The following MYO7B variants were observed in gnomAD, a reference collection of about 807,000 sequenced individuals.
MYO7B encodes myosin VIIB, also known as unconventional myosin-VIIb.
In MYO7B, 212 loss-of-function variants were observed where a neutral mutation model predicts 259.7. That is an observed-to-expected ratio of 0.82 (90% confidence interval 0.73 to 0.91). The LOEUF (loss-of-function observed/expected upper bound fraction) is 0.91, where lower values mean the gene tolerates loss of function less well. Ranked by LOEUF, MYO7B falls within the 40% of genes least tolerant of loss-of-function variation. MYO7B has a pLI of 0.00. For synonymous variants in MYO7B, 1,197 were observed against 1,166.4 expected (o/e 1.03, Z -0.54); for missense variants, 2,732 against 2,813.5 (o/e 0.97, Z 0.66).
intron 1 of MYO7B, among the ~76,000 whole-genome samples, chr2:127,541,302 G>T (rs1009600460): frequency 6.6e-6 from 1 of 152,202 alleles, no homozygotes; most frequent in Admixed American, 6.5e-5. Flanking sequence ...TGTCTCCACA[G>T]TGAAGGAGGC....
intron 2 of MYO7B, among the ~76,000 whole-genome samples, chr2:127,561,063 A>G (rs1000201050): frequency 1.3e-5 from 2 of 152,148 alleles, no homozygotes; most frequent in African/African-American, 2.4e-5. Flanking sequence ...GCGTGGCTCC[A>G]CTTTGGAGCA....
In MYO7B at chr2:127,578,581, T is replaced by G. The variant is rs1226449169; in HGVS notation, c.1003+295T>G. On this transcript the variant is annotated intron_variant, in intron 9 of 47. Coordinates refer to ENST00000409816, the MANE Select transcript of MYO7B (RefSeq NM_001393586.1). Reference sequence around the variant, plus strand: ...GTAAGCCAGAGTAAACAAATCCACGTGTGAACTTGCAAACCAGGTTGTGAG... The same window carrying G: ...GTAAGCCAGAGTAAACAAATCCACGGGTGAACTTGCAAACCAGGTTGTGAG... 2.6e-5 allele frequency among the ~76,000 whole-genome samples: 4 copies of G among 152,276 alleles called. No individual in the cohort carries two copies. The East Asian group carries it at 7.7e-4, about 29-fold the overall frequency.
intron 1 of MYO7B, among the ~76,000 whole-genome samples, chr2:127,556,566 C>T (rs1238084969): frequency 6.6e-6 from 1 of 152,144 alleles, no homozygotes; most frequent in East Asian, 1.9e-4. Context: ...TTTAGCAGTT[C>T]TTGCAGTGCT....
Position 127,629,635 on chromosome 2 carries a change from GC to G in MYO7B, c.4625-7del. 6.2e-7 allele frequency: 1 copy of G among 1,610,014 alleles called. No individual in the cohort carries two copies. ...AGAGCCCTCAGCAAATAGCCTCCCT[GC>G]CCTTACAGATGACACCACCCTCCTG... On this transcript the variant is annotated splice_polypyrimidine_tract_variant and intron_variant, in intron 34 of 47. Coordinates refer to ENST00000409816, the MANE Select transcript of MYO7B (RefSeq NM_001393586.1).
intron 5 of MYO7B, among the ~76,000 whole-genome samples, chr2:127,568,157 A>G (rs1678434307): frequency 2.0e-5 from 3 of 152,352 alleles, no homozygotes; most frequent in African/African-American, 7.2e-5. Context: ...TGGAGAAGAC[A>G]GCAGACAGGT....
At chr2:127,571,533 C>T (rs1678628006) in intron 6 of MYO7B, among the ~76,000 whole-genome samples, 1 of 145,254 alleles carries the variant, frequency 6.9e-6, no homozygotes, top group Admixed American at 7.3e-5. Context: ...CAGGCTGGAG[C>T]ACAATGGCAC....
chr2:127,614,506 A>C lies in MYO7B; in HGVS notation c.3398+1903A>C, dbSNP rs541292228. On this transcript the variant is annotated intron_variant, in intron 26 of 47. Transcript: ENST00000409816. This position sits in a 1 kb window ranked among gnomAD's most constrained non-coding sequence, Gnocchi z 4.6. Reference sequence around the variant, plus strand: ...AATTCTCCAGGAACAAGCAGGCGCTAATGTCTTTGTTCATGGAGGTCCCTA... The same window carrying C: ...AATTCTCCAGGAACAAGCAGGCGCTCATGTCTTTGTTCATGGAGGTCCCTA... 6.6e-6 allele frequency among the ~76,000 whole-genome samples: 1 copy of C among 152,244 alleles called. No homozygotes were observed. Among genetic ancestry groups the C allele is most frequent in the Admixed American group, 6.5e-5 (1 of 15,298 alleles).
intron 18 of MYO7B, 70 bp downstream of exon 18, chr2:127,593,714 G>GC: frequency 1.4e-6 from 2 of 1,428,500 alleles, no homozygotes; most frequent in East Asian, 2.3e-5. Context: ...CTTGCACCAG[G>GC]CCCGGGGTCC....
chr2:127,628,055 C>T lies in MYO7B; in HGVS notation c.4461-317C>T. Reference sequence around the variant, plus strand: ...TAGGTGGCTCAGAGTAAGCACATGGCAGAGCCGGCAGCTCATCTCAGCTCT... The same window carrying T: ...TAGGTGGCTCAGAGTAAGCACATGGTAGAGCCGGCAGCTCATCTCAGCTCT... On this transcript the variant is annotated intron_variant, in intron 33 of 47. Coordinates refer to ENST00000409816, the MANE Select transcript of MYO7B (RefSeq NM_001393586.1). This position sits in a 1 kb window ranked among gnomAD's most constrained non-coding sequence, Gnocchi z 4.8. The T allele has an allele frequency of 3.6e-6, 2 of 552,574 alleles. No individual in the cohort carries two copies. The highest frequency in any genetic ancestry group is 4.5e-5 in the East Asian group (1 of 22,348). 34.2% of individuals were successfully genotyped at this position (552,574 alleles called of 1,614,324 possible).
Position 127,624,105 on chromosome 2 carries a change from G to A in MYO7B, c.3832G>A (p.Gly1278Ser). The A allele has an allele frequency of 6.4e-7, 1 of 1,570,400 alleles. No individual in the cohort carries two copies. Among genetic ancestry groups the A allele is most frequent in the Non-Finnish European group, 8.6e-7 (1 of 1,158,748 alleles). The change falls in exon 30 of 48, where the codon GGC becomes AGC. Residue 1278 changes from glycine to serine, a missense_variant. This residue lies in a region of MYO7B where 1,906 missense variants were observed against 2,026.4 expected (regional missense o/e 0.94). Transcript: ENST00000409816. The part of the protein sequence containing the change: ...VAVYDKFWSL[G>S]SGRDHMMDAI... Reference sequence around the variant, plus strand: ...ACTCTGGCCTCAGTTCTGGTCCCTGGGCAGCGGGCGCGACCACATGATGGA... The same window carrying A: ...ACTCTGGCCTCAGTTCTGGTCCCTGAGCAGCGGGCGCGACCACATGATGGA...
At chr2:127,595,276 C>G (rs1679718681) in intron 18 of MYO7B, among the ~76,000 whole-genome samples, 1 of 152,142 alleles carries the variant, frequency 6.6e-6, no homozygotes. Context: ...ATACTATTCT[C>G]TGATGGTTGT....
Position 127,623,199 on chromosome 2 carries a change from C to T in MYO7B, c.3646-3C>T. The T allele has an allele frequency of 1.2e-6, 2 of 1,613,404 alleles. No homozygotes were observed. The highest frequency in any genetic ancestry group is 2.2e-5 in the South Asian group (2 of 91,078). ...CAGGGAACTGAATCTCATCTGTCCC[C>T]AGGCTGTCAAGTCCAAGAAGCACAT... On this transcript the variant is annotated splice_region_variant and splice_polypyrimidine_tract_variant and intron_variant, in intron 28 of 47. Transcript: ENST00000409816.
At position 127,572,312 on chromosome 2, in the gene MYO7B, GGGATGCT is replaced by G. The variant is rs1558807697; in HGVS notation, c.593-1606_593-1600del. Among the ~76,000 whole-genome samples the G allele has an allele frequency of 6.6e-5, 10 of 151,356 alleles. No homozygotes were observed. In the South Asian group the frequency reaches 1.3e-3, roughly 19 times the overall value. ...CATGCGCCTATAATCCCATCTACTC[GGGATGCT>G]GTGGCAGGAGAATCGCTTGAACGCA... On this transcript the variant is annotated intron_variant, in intron 6 of 47. Transcript: ENST00000409816.
At position 127,614,521 on chromosome 2, in the gene MYO7B, G is replaced by A. The variant is rs1680500726; in HGVS notation, c.3398+1918G>A. ...AGCAGGCGCTAATGTCTTTGTTCAT[G>A]GAGGTCCCTAACTCCAGAGTACAAA... On this transcript the variant is annotated intron_variant, in intron 26 of 47. Coordinates refer to ENST00000409816, the MANE Select transcript of MYO7B (RefSeq NM_001393586.1). The surrounding 1 kb of genome is among the most constrained non-coding windows in gnomAD (Gnocchi z 4.6). Among the ~76,000 whole-genome samples the A allele has an allele frequency of 6.6e-6, 1 of 152,154 alleles. No individual in the cohort carries two copies. Among genetic ancestry groups the A allele is most frequent in the African/African-American group, 2.4e-5 (1 of 41,402 alleles).
chr2:127,634,655 G>C lies in MYO7B; in HGVS notation c.5685G>C (p.Trp1895Cys), dbSNP rs1193373144. 1.4e-5 allele frequency: 22 copies of C among 1,611,472 alleles called. No individual in the cohort carries two copies. Among genetic ancestry groups the C allele is most frequent in the East Asian group, 8.9e-5 (4 of 44,888 alleles). Residue 1895 changes from tryptophan (W) to cysteine (C), a missense_variant, in exon 42 of 48, where the codon TGG (tryptophan) becomes TGC (cysteine). Trp to Cys is a radical substitution (Grantham distance 215, BLOSUM62 -2). Coordinates refer to ENST00000409816, the MANE Select transcript of MYO7B (RefSeq NM_001393586.1). ...FFDSLREVSDWVKKNKPQKEG... is the reference protein window; with the variant it reads ...FFDSLREVSDCVKKNKPQKEG... Reference sequence around the variant, plus strand: ...ATTCCTTGAGGGAGGTGTCTGACTGGGTGAAGAAGAACAAGCCCCAGAAAG... The same window carrying C: ...ATTCCTTGAGGGAGGTGTCTGACTGCGTGAAGAAGAACAAGCCCCAGAAAG...
chr2:127,549,122 C>T (rs1693347519), intron 1 of MYO7B, among the ~76,000 whole-genome samples: 1 of 149,262 alleles, frequency 6.7e-6, no homozygotes, highest in South Asian at 2.1e-4. Flanking sequence ...CCAACTCTCT[C>T]TTCTTTCTCT....
At chr2:127,545,299 C>T (rs927326467) in intron 1 of MYO7B, among the ~76,000 whole-genome samples, 1 of 152,176 alleles carries the variant, frequency 6.6e-6, no homozygotes, top group Non-Finnish European at 1.5e-5. Flanking sequence ...CACCAGTTTA[C>T]CCTTTACCAC....
At chr2:127,574,132 C>T in intron 7 of MYO7B, 70 bp downstream of exon 7, 9 of 1,580,638 alleles carry the variant, frequency 5.7e-6, no homozygotes, top group Non-Finnish European at 7.8e-6. Context: ...GCCCCTTTCC[C>T]ACTCTCACCT....
chr2:127,627,394 G>C lies in MYO7B; in HGVS notation c.4460+84G>C, dbSNP rs1341811537. The C allele has an allele frequency of 2.2e-5, 31 of 1,414,594 alleles. No individual in the cohort carries two copies. The highest frequency in any genetic ancestry group is 3.6e-5 in the Admixed American group (2 of 54,864). The allele number at this position is 1,414,594 out of a possible 1,614,324, so 87.6% of individuals were successfully genotyped here. ...GGCTCGGGGAGAGATGGGGAGAGGG[G>C]CAGTGTGCCGTCCCGGGTAACAGGC... On this transcript the variant is annotated intron_variant, in intron 33 of 47. Coordinates refer to ENST00000409816, the MANE Select transcript of MYO7B (RefSeq NM_001393586.1). The surrounding 1 kb of genome is among the most constrained non-coding windows in gnomAD (Gnocchi z 5.6).
Sources: gnomAD v4.1 joint callset for allele counts (sites outside exome capture counted in the v4.1 genomes callset) on GRCh38, gnomAD v4.1.1 for gene constraint, gnomAD v4.1.1 regional missense constraint, Gnocchi (gnomAD v3.1) non-coding constraint, MANE v1.5 for transcripts, NCBI Gene and HGNC (gene_info 2026-07-23, HGNC 2026-07-21) for gene names.